Variants in NLRC3 observed in about 807,000 individuals in gnomAD.
NLRC3 encodes NLR family CARD domain-containing protein 3.
A neutral mutation model predicts 91.6 loss-of-function variants in NLRC3; 87 were observed. The observed-to-expected ratio is 0.95, with a 90% CI of 0.80 to 1.14. The LOEUF is 1.14. Among genes scored for constraint, NLRC3 ranks in the 50% most tolerant of loss-of-function variants. The pLI, the probability that NLRC3 is intolerant of heterozygous loss-of-function variation, is 0.00. For missense variants in NLRC3, 1,577 were observed against 1,418.6 expected (o/e 1.11, Z -1.79); for synonymous variants, 694 against 625.3 (o/e 1.11, Z -1.64).
At chr16:3,572,801 T>A (rs2040145590) in intron 1 of NLRC3, among the ~76,000 whole-genome samples, 1 of 151,640 alleles carries the variant, frequency 6.6e-6, no homozygotes, top group Non-Finnish European at 1.5e-5. Context: ...TCATCTGAGG[T>A]CAGGGGTTCG....
In NLRC3 at chr16:3,539,773, A is replaced by G. The variant is rs1395992406; in HGVS notation, c.*2052T>C. ...TGTTTTGTTTTATTTCCCAGCTACT[A>G]CAAGTGATCCAAATGTTCTTTATAG... On this transcript the variant is annotated 3_prime_UTR_variant, in exon 20 of 20. Transcript: ENST00000359128. The G allele has an allele frequency of 6.6e-6, 1 of 152,194 alleles. No homozygotes were observed. The highest frequency in any genetic ancestry group is 1.9e-4 in the East Asian group (1 of 5,200). 9.4% of individuals were successfully genotyped at this position (152,194 alleles called of 1,614,324 possible). A position where few individuals can be genotyped will look rare whatever the true frequency, so the allele number is the denominator to read the frequency against.
At position 3,549,123 on chromosome 16, in the gene NLRC3, A is replaced by C; in HGVS notation, c.2603+19T>G. On this transcript the variant is annotated intron_variant, in intron 13 of 19. Transcript: ENST00000359128. ...CATGGCATGAACAGCCTGTGGAGTC[A>C]CAGGCCCCCACCACGTACTCCAGGT... is the stretch of plus-strand genomic sequence containing the variant. The C allele has an allele frequency of 6.5e-7, 1 of 1,539,540 alleles. No homozygotes were observed. Among genetic ancestry groups the C allele is most frequent in the Non-Finnish European group, 8.8e-7 (1 of 1,132,732 alleles).
rs893711243 is a variant in NLRC3 at position 3,541,258 on chromosome 16, C to A, written c.*567G>T. On this transcript the variant is annotated 3_prime_UTR_variant, in exon 20 of 20. Transcript: ENST00000359128. ...TGGAGAACTCTTACTGTCTCTGTTTCCAGAATCCTAGAATTAAAACTTTCA... is the reference window on the plus strand; with the variant it reads ...TGGAGAACTCTTACTGTCTCTGTTTACAGAATCCTAGAATTAAAACTTTCA... The A allele has an allele frequency of 6.6e-5, 10 of 152,252 alleles. No individual in the cohort carries two copies. Among genetic ancestry groups the A allele is most frequent in the Non-Finnish European group, 1.0e-4 (7 of 68,098 alleles). 9.4% of individuals were successfully genotyped at this position (152,252 alleles called of 1,614,324 possible).
chr16:3,572,572 G>A (rs2040136292), intron 1 of NLRC3, among the ~76,000 whole-genome samples: 2 of 152,210 alleles, frequency 1.3e-5, no homozygotes, highest in South Asian at 4.1e-4. Context: ...ATTGGCATGA[G>A]CCACTGTGCC....
intron 6 of NLRC3, among the ~76,000 whole-genome samples, 177 bp from the exon 7 acceptor site, chr16:3,557,853 C>T (rs904535067): frequency 1.3e-5 from 2 of 152,200 alleles, no homozygotes; most frequent in Non-Finnish European, 2.9e-5. Flanking sequence ...GCCCCTGAGC[C>T]TGGGCAGCGT....
At chr16:3,574,202 A>T (rs2040201236) in intron 1 of NLRC3, among the ~76,000 whole-genome samples, 1 of 151,480 alleles carries the variant, frequency 6.6e-6, no homozygotes, top group Non-Finnish European at 1.5e-5. Flanking sequence ...TTTTGTAGAG[A>T]CAGGGTTTCA....
In NLRC3 at chr16:3,539,085, G is replaced by C. The variant is rs970570116; in HGVS notation, c.*2740C>G. On this transcript the variant is annotated 3_prime_UTR_variant, in exon 20 of 20. Transcript: ENST00000359128. ...AGTAGTTATCAAGAACAAAGTCCTC[G>C]GACTTCTGATGGGAAATCTGAACTG... 1 of 152,132 alleles carries C rather than the reference G, an allele frequency of 6.6e-6. No individual in the cohort carries two copies. The highest frequency in any genetic ancestry group is 1.5e-5 in the Non-Finnish European group (1 of 68,014). 9.4% of individuals were successfully genotyped at this position (152,132 alleles called of 1,614,324 possible).
intron 1 of NLRC3, among the ~76,000 whole-genome samples, chr16:3,569,392 A>ATTTTTT (rs201744035): frequency 1.8e-5 from 1 of 55,538 alleles, no homozygotes; most frequent in African/African-American, 8.3e-5. Context: ...ATATATATAT[A>ATTTTTT]TATTATTTTT....
intron 6 of NLRC3, among the ~76,000 whole-genome samples, chr16:3,560,149 T>TCA (rs1663488541): frequency 6.6e-6 from 1 of 152,054 alleles, no homozygotes; most frequent in Non-Finnish European, 1.5e-5. Flanking sequence ...CCACAGTGGC[T>TCA]CACACCTGTA....
intron 11 of NLRC3, 131 bp downstream of exon 11, chr16:3,550,283 G>T: frequency 1.6e-6 from 1 of 642,964 alleles, no homozygotes; most frequent in South Asian, 1.8e-5. Flanking sequence ...GGCTACTGAG[G>T]ACAGTGTGTG....
intron 6 of NLRC3, among the ~76,000 whole-genome samples, chr16:3,558,546 G>A (rs920690326): frequency 4.0e-5 from 6 of 151,462 alleles, no homozygotes; most frequent in Admixed American, 2.6e-4. Context: ...GCAAATGGTA[G>A]AGTTATTTAA....
chr16:3,561,831 C>T (rs371666376), intron 5 of NLRC3, 43 bp from the exon 6 acceptor site: 461 of 1,468,440 alleles, frequency 3.1e-4, no homozygotes, highest in Non-Finnish European at 3.9e-4. Flanking sequence ...CACCCGCCCA[C>T]GGGCAGGGTG....
Position 3,563,427 on chromosome 16 carries a change from G to C in NLRC3, c.1510C>G (p.Gln504Glu). The stretch of plus-strand genomic sequence containing the variant: ...ACGTCCAGCCTCCCGTCCTCTGCCT[G>C]CATGGCCCGCTGGGCTGCGCTCCTG... Reference protein sequence around the residue: ...HFRSAAQRAMQAEDGRLDVFL... With the variant: ...HFRSAAQRAMEAEDGRLDVFL... Residue 504 changes from glutamine to glutamate, a missense_variant, in exon 5 of 20, where the codon CAG becomes GAG. Physicochemically the swap from Gln to Glu is conservative, Grantham distance 29. Coordinates refer to ENST00000359128, the MANE Select transcript of NLRC3 (RefSeq NM_178844.4). 3 of 1,575,068 alleles carry C rather than the reference G, an allele frequency of 1.9e-6. No homozygotes were observed. The highest frequency in any genetic ancestry group is 2.6e-6 in the Non-Finnish European group (3 of 1,160,844).
Position 3,563,435 on chromosome 16 carries a change from C to G in NLRC3, c.1502G>C (p.Arg501Pro). 6.3e-7 allele frequency: 1 copy of G among 1,574,916 alleles called. No homozygotes were observed. The highest frequency in any genetic ancestry group is 8.6e-7 in the Non-Finnish European group (1 of 1,160,782). ...FLTHFRSAAQRAMQAEDGRLD... is the reference protein window; with the variant it reads ...FLTHFRSAAQPAMQAEDGRLD... Reference sequence around the variant, plus strand: ...CCTCCCGTCCTCTGCCTGCATGGCCCGCTGGGCTGCGCTCCTGAAATGCGT... The same window carrying G: ...CCTCCCGTCCTCTGCCTGCATGGCCGGCTGGGCTGCGCTCCTGAAATGCGT... The change falls in exon 5 of 20, where the codon CGG (arginine) becomes CCG (proline). Residue 501 changes from arginine to proline, a missense_variant. By Grantham distance (103) the Arg-to-Pro change is moderately radical. Transcript: ENST00000359128.
In NLRC3 at chr16:3,564,546, G is replaced by A; in HGVS notation, c.391C>T (p.Leu131Phe). 1.2e-6 allele frequency: 2 copies of A among 1,611,996 alleles called. No homozygotes were observed. Among genetic ancestry groups the A allele is most frequent in the South Asian group, 1.1e-5 (1 of 91,042 alleles). Residue 131 changes from leucine to phenylalanine, a missense_variant, in exon 5 of 20, where the codon CTC (leucine) becomes TTC (phenylalanine). Leu to Phe is a conservative substitution (Grantham distance 22). Coordinates refer to ENST00000359128, the MANE Select transcript of NLRC3 (RefSeq NM_178844.4). This position sits in a 1 kb window ranked among gnomAD's most constrained non-coding sequence, Gnocchi z 5.9. ...TVALDRLFLP[L>F]SRVSVPPRVS... is the part of the protein sequence containing the mutation. Reference sequence around the variant, plus strand: ...CGGGGTGGGACAGACACCCGGGAGAGAGGCAGGAAGAGCCGGTCCAGGGCG... The same window carrying A: ...CGGGGTGGGACAGACACCCGGGAGAAAGGCAGGAAGAGCCGGTCCAGGGCG...
chr16:3,563,496 C>A lies in NLRC3; in HGVS notation c.1441G>T (p.Glu481Ter). Residue 481 changes from glutamate to a stop codon, truncating the protein, a stop_gained, in exon 5 of 20, where the codon GAG becomes TAG. Transcript: ENST00000359128. LOFTEE classifies it high-confidence loss of function. ...SRRAIFDLFT[E>*]SGVSWPRLGF... Reference sequence around the variant, plus strand: ...AGCCTGGGCCAGGATACGCCGCTCTCAGTGAAGAGGTCGAAGATGGCCCTC... The same window carrying A: ...AGCCTGGGCCAGGATACGCCGCTCTAAGTGAAGAGGTCGAAGATGGCCCTC... The A allele has an allele frequency of 6.3e-7, 1 of 1,596,754 alleles. No individual in the cohort carries two copies. Among genetic ancestry groups the A allele is most frequent in the Non-Finnish European group, 8.5e-7 (1 of 1,172,116 alleles).
In NLRC3 at chr16:3,564,299, C is replaced by T. The variant is rs1449488013; in HGVS notation, c.638G>A (p.Arg213Lys). 3.7e-6 allele frequency: 6 copies of T among 1,611,582 alleles called. No individual in the cohort carries two copies. Among genetic ancestry groups the T allele is most frequent in the Non-Finnish European group, 4.2e-6 (5 of 1,179,548 alleles). Reference sequence around the variant, plus strand: ...CAAGCCGTCCAGGATCAGGAGGGCCCTGGCTGGGACTGCCACCGCCAGGCT... The same window carrying T: ...CAAGCCGTCCAGGATCAGGAGGGCCTTGGCTGGGACTGCCACCGCCAGGCT... ...EPSLAVAVPA[R>K]ALLILDGLDE... The change falls in exon 5 of 20, where the codon AGG becomes AAG. Residue 213 changes from arginine to lysine, a missense_variant. Transcript: ENST00000359128. This position sits in a 1 kb window ranked among gnomAD's most constrained non-coding sequence, Gnocchi z 5.9.
At chr16:3,556,722 C>T (rs928506189) in intron 8 of NLRC3, among the ~76,000 whole-genome samples, 189 bp downstream of exon 8, 1 of 152,174 alleles carries the variant, frequency 6.6e-6, no homozygotes, top group Non-Finnish European at 1.5e-5. Context: ...AGGCTGCTCT[C>T]GAGCTCCTGA....
chr16:3,547,622 G>A (rs1273671258), intron 15 of NLRC3, among the ~76,000 whole-genome samples: 2 of 151,970 alleles, frequency 1.3e-5, no homozygotes, highest in Non-Finnish European at 2.9e-5. Flanking sequence ...ATGTATATGT[G>A]TATATATGTG....
Sources: allele counts gnomAD v4.1 joint callset (sites outside exome capture counted in the v4.1 genomes callset), GRCh38; gene constraint gnomAD v4.1.1; non-coding constraint Gnocchi (gnomAD v3.1); transcripts MANE v1.5; gene names NCBI Gene and HGNC (gene_info 2026-07-23, HGNC 2026-07-21).